Variants in TMPRSS9 observed in about 807,000 individuals in gnomAD.
TMPRSS9 encodes transmembrane serine protease 9.
A neutral mutation model predicts 111.4 loss-of-function variants in TMPRSS9; 113 were observed. The ratio of observed to expected loss-of-function variants is 1.01; its 90% CI spans 0.87 to 1.19. The LOEUF (loss-of-function observed/expected upper bound fraction) is 1.19. Ranked by LOEUF, TMPRSS9 falls within the 50% of genes most tolerant of loss-of-function variation. The pLI, the probability that TMPRSS9 is intolerant of heterozygous loss-of-function variation, is 0.00. For missense variants in TMPRSS9, 1,803 were observed against 1,513.1 expected (o/e 1.19, Z -3.18); for synonymous variants, 805 against 659.1 (o/e 1.22, Z -3.39).
chr19:2,374,603 C>A (rs537127154), intron 1 of TMPRSS9, among the ~76,000 whole-genome samples: 2 of 151,984 alleles, frequency 1.3e-5, no homozygotes, highest in East Asian at 3.9e-4. Context: ...ACAAAAACAC[C>A]CCTCAAAAAC....
chr19:2,398,337 G>C (rs1364114950), intron 2 of TMPRSS9, among the ~76,000 whole-genome samples: 1 of 151,296 alleles, frequency 6.6e-6, no homozygotes, highest in Non-Finnish European at 1.5e-5. Flanking sequence ...TAAAACATAA[G>C]TCTGGGCGTG....
At chr19:2,425,216 C>T in exon 16 of TMPRSS9, 2 of 1,481,198 alleles carry the variant, frequency 1.4e-6, no homozygotes, top group African/African-American at 1.5e-5. Context: ...GCCGCGACCC[C>T]CGGACGGCAC....
At chr19:2,393,058 T>G (rs527945296) in intron 1 of TMPRSS9, among the ~76,000 whole-genome samples, 1 of 152,246 alleles carries the variant, frequency 6.6e-6, no homozygotes. Flanking sequence ...CTCTGTAAAA[T>G]GGACCAATCA....
intron 1 of TMPRSS9, among the ~76,000 whole-genome samples, chr19:2,381,734 G>A (rs1970387571): frequency 6.6e-6 from 1 of 152,186 alleles, no homozygotes; most frequent in Non-Finnish European, 1.5e-5. Flanking sequence ...CCCTGAGGAG[G>A]GAACATTCTG....
At chr19:2,406,224 T>C (rs895655876) in intron 7 of TMPRSS9, among the ~76,000 whole-genome samples, 21 of 151,200 alleles carry the variant, frequency 1.4e-4, no homozygotes, top group African/African-American at 1.9e-4. Context: ...TTCACCATGT[T>C]AGTCAGGATG....
chr19:2,414,341 G>A lies in TMPRSS9; in HGVS notation c.1573+323G>A, dbSNP rs1971170763. The A allele has an allele frequency of 2.5e-5, 5 of 196,408 alleles. No homozygotes were observed. In the South Asian group the frequency reaches 5.5e-4, roughly 21 times the overall value. 12.2% of individuals were successfully genotyped at this position (196,408 alleles called of 1,614,324 possible). A position where few individuals can be genotyped will look rare whatever the true frequency, so the allele number is the denominator to read the frequency against. On this transcript the variant is annotated intron_variant, in intron 10 of 17. Transcript: ENST00000648592. The stretch of plus-strand genomic sequence containing the variant: ...TGCAACCTCCGCCTCCCAGGTTCAA[G>A]TGATTCTCCTGCCTCAGCCTCCTGA...
intron 12 of TMPRSS9, among the ~76,000 whole-genome samples, chr19:2,417,751 C>G (rs1470421099): frequency 1.3e-5 from 2 of 152,198 alleles, no homozygotes; most frequent in Admixed American, 1.3e-4. Flanking sequence ...TCAGAATGGC[C>G]TCCTACACCT....
rs537281825 is a variant in TMPRSS9 at position 2,419,942 on chromosome 19, C to T, written c.2154+1804C>T. Among the ~76,000 whole-genome samples, 31 of 152,062 alleles carry T rather than the reference C, an allele frequency of 2.0e-4. No individual in the cohort carries two copies. The South Asian group carries it at 5.6e-3, about 27-fold the overall frequency. Reference sequence around the variant, plus strand: ...TTCAGGAGGCTGAGGTAGGATCAGTCGAGGCCAGGATTGCAAGACCAGTCT... The same window carrying T: ...TTCAGGAGGCTGAGGTAGGATCAGTTGAGGCCAGGATTGCAAGACCAGTCT... On this transcript the variant is annotated intron_variant, in intron 13 of 17. Transcript: ENST00000648592.
rs191349620 is a variant in TMPRSS9 at position 2,424,146 on chromosome 19, G to A, written c.2606G>A (p.Arg869His). The A allele has an allele frequency of 3.2e-4, 469 of 1,444,072 alleles. 1 individual carries two copies. The African/African-American group carries it at 6.2e-3, about 19-fold the overall frequency. 89.5% of individuals were successfully genotyped at this position (1,444,072 alleles called of 1,614,324 possible). The change falls in exon 15 of 18, where the codon CGT (arginine) becomes CAT (histidine). Residue 869 changes from arginine (R) to histidine (H), a missense_variant. Arg to His is a conservative substitution (Grantham distance 29). Transcript: ENST00000648592. ...ATTGTGGGCGGCAGCGCAGCGGGCC[G>A]TGGGGAGTGGCCGTGGCAGGTGAGC...
chr19:2,372,916 T>C (rs1970301351), intron 1 of TMPRSS9, among the ~76,000 whole-genome samples: 1 of 152,130 alleles, frequency 6.6e-6, no homozygotes. Flanking sequence ...ACTTCAGCCT[T>C]GACCTCGTGG....
At chr19:2,388,816 G>A (rs912655866), upstream of TMPRSS9, among the ~76,000 whole-genome samples, 1 of 151,734 alleles carries the variant, frequency 6.6e-6, no homozygotes, top group Non-Finnish European at 1.5e-5. Context: ...GGAGATGGGG[G>A]TCTCACTATA....
At chr19:2,410,195 A>G in intron 8 of TMPRSS9, 63 bp from the exon 10 acceptor site, 1 of 1,597,990 alleles carries the variant, frequency 6.3e-7, no homozygotes, top group Non-Finnish European at 8.5e-7. Flanking sequence ...TCAGCCTCCC[A>G]GCTCAAAGTG....
chr19:2,424,200 G>T, exon 15 of TMPRSS9: 3 of 1,455,130 alleles, frequency 2.1e-6, no homozygotes, highest in South Asian at 2.9e-5. Context: ...GAACACCGTT[G>T]CGGGGCCGTG....
At chr19:2,413,607 G>A in intron 9 of TMPRSS9, 93 bp from the exon 11 acceptor site, 1 of 1,403,392 alleles carries the variant, frequency 7.1e-7, no homozygotes, top group Non-Finnish European at 9.7e-7. Flanking sequence ...GGTCCTGGCT[G>A]TCCCAGCTCA....
At chr19:2,414,278 C>T (rs1032599954) in intron 10 of TMPRSS9, 33 of 336,696 alleles carry the variant, frequency 9.8e-5, no homozygotes, top group Non-Finnish European at 1.7e-4. Flanking sequence ...CTTGCTCCGT[C>T]GCCCAGGCTG....
At chr19:2,425,626 C>T (rs915221619) in intron 17 of TMPRSS9, 133 bp downstream of exon 18, 6 of 1,372,550 alleles carry the variant, frequency 4.4e-6, no homozygotes, top group Non-Finnish European at 5.6e-6. Context: ...AGCAGGGAGC[C>T]TTTTTGGCTC....
Position 2,372,250 on chromosome 19 carries a change from G to A in TMPRSS9, c.-26+11890G>A, listed in dbSNP as rs555982341. Among the ~76,000 whole-genome samples, 19 of 152,176 alleles carry A rather than the reference G, an allele frequency of 1.2e-4. No individual in the cohort carries two copies. The South Asian group carries it at 2.7e-3, about 22-fold the overall frequency. On this transcript the variant is annotated intron_variant, in intron 1 of 17. Transcript: ENST00000649857. ...GCTTTTTCCTGTCACGCAGGCGGGCGAGTCTCCTCCTACTGATCTCTTTGG... is the reference window on the plus strand; with the variant it reads ...GCTTTTTCCTGTCACGCAGGCGGGCAAGTCTCCTCCTACTGATCTCTTTGG...
chr19:2,378,585 G>C lies in TMPRSS9; in HGVS notation c.-25-11176G>C, dbSNP rs143702812. 2.9e-3 allele frequency among the ~76,000 whole-genome samples: 441 copies of C among 152,250 alleles called. 5 individuals are homozygous for C. Among genetic ancestry groups the C allele is most frequent in the African/African-American group, 0.01 (420 of 41,544 alleles). On this transcript the variant is annotated intron_variant, in intron 1 of 17. Transcript: ENST00000649857. ...ATACAAAAATTAGCCAGGCATGGTG[G>C]TGCACACCTGTAGTCCCAGCTACTT...
At chr19:2,381,526 T>C (rs112094945) in intron 1 of TMPRSS9, among the ~76,000 whole-genome samples, 8,309 of 151,836 alleles carry the variant, frequency 0.055, 312 homozygotes, top group Non-Finnish European at 0.079. Context: ...AGCGTAAGAG[T>C]AAATGGGAAA....
Sources: allele counts gnomAD v4.1 joint callset (sites outside exome capture counted in the v4.1 genomes callset), GRCh38; gene constraint gnomAD v4.1.1; transcripts MANE v1.5; gene names NCBI Gene and HGNC (gene_info 2026-07-23, HGNC 2026-07-21).